SORCS1: variants seen among roughly 807,000 people sequenced by gnomAD.
The protein encoded by SORCS1 is VPS10 domain-containing receptor SorCS1.
A neutral mutation model predicts 146.1 loss-of-function variants in SORCS1; 60 were observed. The observed-to-expected ratio is 0.41, with a 90% confidence interval of 0.33 to 0.51. SORCS1 has a LOEUF of 0.51. Among genes scored for constraint, SORCS1 ranks in the 20% least tolerant of loss-of-function variants. The pLI, the probability that SORCS1 is intolerant of heterozygous loss-of-function variation, is 0.21. For synonymous variants in SORCS1, 637 were observed against 584.0 expected (o/e 1.09, Z -1.31); for missense variants, 1,352 against 1,487.6 (o/e 0.91, Z 1.50).
intron 5 of SORCS1, among the ~76,000 whole-genome samples, chr10:106,757,652 T>C (rs542468451): frequency 2.0e-5 from 3 of 152,210 alleles, no homozygotes; most frequent in Non-Finnish European, 2.9e-5. Flanking sequence ...AAGGAACCCT[T>C]GTGAGCCATT....
At chr10:107,120,961 A>C (rs1966369395) in intron 1 of SORCS1, among the ~76,000 whole-genome samples, 1 of 151,216 alleles carries the variant, frequency 6.6e-6, no homozygotes. Flanking sequence ...GGCTTTGCTT[A>C]GGGTCTATAT....
chr10:106,682,404 C>A (rs1453356344), intron 10 of SORCS1, among the ~76,000 whole-genome samples: 4 of 152,084 alleles, frequency 2.6e-5, no homozygotes, highest in African/African-American at 9.7e-5. Context: ...TATTCTGTGG[C>A]TTTTTTCTTT....
intron 2 of SORCS1, among the ~76,000 whole-genome samples, chr10:106,946,287 T>A (rs1185558347): frequency 6.6e-6 from 1 of 152,172 alleles, no homozygotes; most frequent in Non-Finnish European, 1.5e-5. Flanking sequence ...AAATAAGACA[T>A]GGTCATAGTC....
At chr10:106,983,181 T>G (rs963465272) in intron 1 of SORCS1, among the ~76,000 whole-genome samples, 5 of 141,926 alleles carry the variant, frequency 3.5e-5, no homozygotes, top group African/African-American at 1.1e-4. Context: ...TAAATATACA[T>G]ATTTCTCTAT....
At chr10:106,971,914 A>AGGGCTCCCTCATGGG in intron 1 of SORCS1, among the ~76,000 whole-genome samples, 1 of 152,312 alleles carries the variant, frequency 6.6e-6, no homozygotes. Context: ...TCTGTGTAAT[A>AGGGCTCCCTCATGGG]GGAGCAAGGC....
At chr10:106,949,985 C>G (rs1014663637) in intron 2 of SORCS1, among the ~76,000 whole-genome samples, 4 of 152,152 alleles carry the variant, frequency 2.6e-5, no homozygotes, top group Non-Finnish European at 5.9e-5. Context: ...TCAGAAGTAC[C>G]ATATTCTAGA....
chr10:106,838,676 C>A (rs1948893173), intron 2 of SORCS1, among the ~76,000 whole-genome samples: 1 of 152,180 alleles, frequency 6.6e-6, no homozygotes, highest in Non-Finnish European at 1.5e-5. Flanking sequence ...CATATATAGG[C>A]ATACCTTGTT....
At chr10:107,110,136 G>A (rs2134447959) in intron 1 of SORCS1, among the ~76,000 whole-genome samples, 1 of 152,250 alleles carries the variant, frequency 6.6e-6, no homozygotes, top group South Asian at 2.1e-4. Context: ...TAGTCTGTAG[G>A]AAGTTCCAAA....
chr10:106,865,325 T>C (rs1950189040), intron 2 of SORCS1, among the ~76,000 whole-genome samples: 1 of 152,190 alleles, frequency 6.6e-6, no homozygotes, highest in South Asian at 2.1e-4. Flanking sequence ...GCCATGTTTG[T>C]GGTTTTGCAG....
At chr10:106,718,367 A>G (rs1855531335) in intron 6 of SORCS1, among the ~76,000 whole-genome samples, 1 of 152,230 alleles carries the variant, frequency 6.6e-6, no homozygotes, top group African/African-American at 2.4e-5. Flanking sequence ...TGCTGACTTC[A>G]TGAATGAAGC....
At chr10:107,063,531 T>TG (rs1370895013) in intron 1 of SORCS1, among the ~76,000 whole-genome samples, 2 of 152,330 alleles carry the variant, frequency 1.3e-5, no homozygotes, top group Admixed American at 1.3e-4. Context: ...AGCACTAGGA[T>TG]GTCTGACACT....
rs535696813 is a variant in SORCS1 at position 106,666,556 on chromosome 10, T to C, written c.2303+1133A>G. On this transcript the variant is annotated intron_variant, in intron 17 of 25. Coordinates refer to ENST00000263054, the MANE Select transcript of SORCS1 (RefSeq NM_052918.5). ...AATTCTTTACAATAAATCTCTCTCT[T>C]TTTTTTTTTTTTTTTCTTGAGACAG... Among the ~76,000 whole-genome samples, 206 of 147,726 alleles carry C rather than the reference T, an allele frequency of 1.4e-3. No individual in the cohort carries two copies. In the East Asian group the frequency reaches 0.015, roughly 10 times the overall value.
chr10:107,097,089 A>G (rs546282662), intron 1 of SORCS1, among the ~76,000 whole-genome samples: 10 of 152,252 alleles, frequency 6.6e-5, no homozygotes, highest in African/African-American at 2.4e-4. Flanking sequence ...CACTTTTACC[A>G]TGTCCAATTG....
chr10:106,973,020 A>G (rs1955855986), intron 1 of SORCS1, among the ~76,000 whole-genome samples: 1 of 152,148 alleles, frequency 6.6e-6, no homozygotes, highest in Non-Finnish European at 1.5e-5. Context: ...TCATCTTTGT[A>G]TCACATTCAC....
chr10:107,014,757 G>C (rs1201540554), intron 1 of SORCS1, among the ~76,000 whole-genome samples: 1 of 152,138 alleles, frequency 6.6e-6, no homozygotes, highest in Non-Finnish European at 1.5e-5. Flanking sequence ...ATATTTTACA[G>C]AATTTCTAGA....
chr10:106,737,705 C>CCG (rs1857058129), intron 5 of SORCS1, among the ~76,000 whole-genome samples: 2 of 151,908 alleles, frequency 1.3e-5, no homozygotes, highest in African/African-American at 4.8e-5. Context: ...CCTACCCACC[C>CCG]CCACCAAAAA....
At chr10:106,984,895 T>A (rs150006147) in intron 1 of SORCS1, among the ~76,000 whole-genome samples, 1 of 151,856 alleles carries the variant, frequency 6.6e-6, no homozygotes, top group Non-Finnish European at 1.5e-5. Context: ...TTGAAAAATA[T>A]AGGGCAAGCA....
At chr10:106,808,245 C>T (rs934148369) in intron 3 of SORCS1, among the ~76,000 whole-genome samples, 7 of 152,026 alleles carry the variant, frequency 4.6e-5, no homozygotes, top group African/African-American at 1.4e-4. Flanking sequence ...CTTGAACTCC[C>T]GACCTCAGGT....
At chr10:106,636,051 G>C (rs527526091) in intron 18 of SORCS1, among the ~76,000 whole-genome samples, 2 of 152,192 alleles carry the variant, frequency 1.3e-5, no homozygotes, top group South Asian at 2.1e-4. Flanking sequence ...TCATCAGCCA[G>C]TGTAGTAAAT....
Sources: allele counts gnomAD v4.1 joint callset (sites outside exome capture counted in the v4.1 genomes callset), GRCh38; gene constraint gnomAD v4.1.1; transcripts MANE v1.5; gene names NCBI Gene and HGNC (gene_info 2026-07-23, HGNC 2026-07-21).